The following ARID1B variants were observed in gnomAD, a reference collection of about 807,000 sequenced individuals.
ARID1B encodes the protein AT-rich interaction domain 1B, also known as AT-rich interactive domain-containing protein 1B.
In ARID1B, 30 loss-of-function variants were observed where a neutral mutation model predicts 212.3. The ratio of observed to expected loss-of-function variants is 0.14; its 90% confidence interval spans 0.11 to 0.19. The LOEUF is 0.19. Among genes scored for constraint, ARID1B ranks in the 10% least tolerant of loss-of-function variants. The pLI is 1.00. For missense variants in ARID1B, 2,891 were observed against 3,204.0 expected, an observed-to-expected ratio of 0.90 and a Z score of 2.36; for synonymous variants, 1,402 against 1,301.7, an observed-to-expected ratio of 1.08 and a Z score of -1.66.
intron 6 of ARID1B, among the ~76,000 whole-genome samples, chr6:157,123,556 C>T (rs948561898): frequency 2.0e-5 from 3 of 152,204 alleles, no homozygotes; most frequent in Admixed American, 6.5e-5. Flanking sequence ...GGGGCAGCCT[C>T]GGAAGGCGTG....
chr6:157,037,508 G>C (rs1479090230), intron 4 of ARID1B, among the ~76,000 whole-genome samples: 1 of 152,176 alleles, frequency 6.6e-6, no homozygotes, highest in East Asian at 1.9e-4. Flanking sequence ...ACTGAGGCAA[G>C]AAAGGAGGGC....
At chr6:157,122,922 T>C (rs1454645786) in intron 6 of ARID1B, among the ~76,000 whole-genome samples, 2 of 152,122 alleles carry the variant, frequency 1.3e-5, no homozygotes, top group Non-Finnish European at 2.9e-5. Context: ...CCTCAGGTGA[T>C]CCACCCGCCT....
chr6:157,067,739 C>T (rs1207990847), intron 4 of ARID1B, among the ~76,000 whole-genome samples: 1 of 152,186 alleles, frequency 6.6e-6, no homozygotes, highest in South Asian at 2.1e-4. Context: ...TGCACTCGTT[C>T]TGCGTACTGT....
chr6:157,029,839 C>T (rs189443387), intron 4 of ARID1B, among the ~76,000 whole-genome samples: 3 of 152,232 alleles, frequency 2.0e-5, no homozygotes, highest in East Asian at 3.9e-4. Context: ...GTAAGCAGCT[C>T]GGCTTAATTT....
intron 6 of ARID1B, among the ~76,000 whole-genome samples, chr6:157,132,101 T>C (rs946343563): frequency 1.3e-5 from 2 of 152,236 alleles, no homozygotes; most frequent in African/African-American, 4.8e-5. Context: ...AGACTGGGGT[T>C]AGCAAGGCTG....
intron 1 of ARID1B, among the ~76,000 whole-genome samples, chr6:156,812,434 AGGAC>A (rs749842156): frequency 0.015 from 2,308 of 152,286 alleles, 25 homozygotes; most frequent in Non-Finnish European, 0.025. Flanking sequence ...CTGAACTCAT[AGGAC>A]AGTGGCATTT....
intron 4 of ARID1B, among the ~76,000 whole-genome samples, chr6:157,025,927 A>ATTTT (rs950310929): frequency 6.2e-5 from 9 of 145,926 alleles, no homozygotes; most frequent in African/African-American, 2.3e-4. Flanking sequence ...GCTGGAATAG[A>ATTTT]TTTTTTTTTT....
rs1562612374 is a variant in ARID1B at position 157,094,327 on chromosome 6, G to A, written c.2491+9422G>A. Among the ~76,000 whole-genome samples the A allele has an allele frequency of 6.6e-6, 1 of 152,100 alleles. No homozygotes were observed. Among genetic ancestry groups the A allele is most frequent in the Admixed American group, 6.5e-5 (1 of 15,270 alleles). ...AGGTGAGAGAGGAGCTAACGACTTT[G>A]TAGGTTATGATTATGATTTAGGAGG... is the stretch of plus-strand genomic sequence containing the variant. On this transcript the variant is annotated intron_variant, in intron 5 of 19. Coordinates refer to ENST00000636930, the MANE Select transcript of ARID1B (RefSeq NM_001374828.1). The surrounding 1 kb of genome is among the most constrained non-coding windows in gnomAD (Gnocchi z 4.3).
chr6:157,087,713 G>C (rs972178795), intron 5 of ARID1B, among the ~76,000 whole-genome samples: 23 of 152,060 alleles, frequency 1.5e-4, no homozygotes, highest in African/African-American at 5.1e-4. Flanking sequence ...TAATGACTTG[G>C]TGTGTTTGCT....
At chr6:157,105,104 TTAAA>T (rs1017570486) in intron 5 of ARID1B, among the ~76,000 whole-genome samples, 1 of 152,178 alleles carries the variant, frequency 6.6e-6, no homozygotes, top group Admixed American at 6.5e-5. Flanking sequence ...GAATGGATTT[TTAAA>T]TAAATTGTGT....
At chr6:157,132,970 TG>T in intron 6 of ARID1B, 57 bp from the exon 7 acceptor site, 1 of 1,525,936 alleles carries the variant, frequency 6.6e-7, no homozygotes, top group East Asian at 2.3e-5. Flanking sequence ...TCCATTTTTA[TG>T]TATGCAGAGA....
At chr6:157,014,902 A>G (rs1321148569) in intron 4 of ARID1B, among the ~76,000 whole-genome samples, 1 of 151,908 alleles carries the variant, frequency 6.6e-6, no homozygotes. Context: ...AAAAAAGGAT[A>G]GCACAATAAT....
intron 4 of ARID1B, among the ~76,000 whole-genome samples, chr6:156,972,418 C>G (rs1308642805): frequency 6.6e-6 from 1 of 152,168 alleles, no homozygotes; most frequent in Admixed American, 6.5e-5. Flanking sequence ...TCCCCTGTGC[C>G]CACAGCTTTT....
At chr6:157,021,622 GC>G (rs1294369305) in intron 4 of ARID1B, among the ~76,000 whole-genome samples, 1 of 152,118 alleles carries the variant, frequency 6.6e-6, no homozygotes, top group Non-Finnish European at 1.5e-5. Flanking sequence ...ACGGCGCCGC[GC>G]CGCGCACAGA....
At chr6:157,115,631 G>A (rs1048951772) in intron 6 of ARID1B, among the ~76,000 whole-genome samples, 1 of 152,130 alleles carries the variant, frequency 6.6e-6, no homozygotes, top group African/African-American at 2.4e-5. Flanking sequence ...GTTTCACCAT[G>A]TTAGCCAGGA....
At chr6:157,132,205 G>A (rs1348707433) in intron 6 of ARID1B, among the ~76,000 whole-genome samples, 1 of 152,188 alleles carries the variant, frequency 6.6e-6, no homozygotes, top group African/African-American at 2.4e-5. Flanking sequence ...TACCATGCAC[G>A]ATCTATGTCG....
Position 156,779,235 on chromosome 6 carries a change from A to C in ARID1B, c.1555A>C (p.Ser519Arg). 1 of 1,228,902 alleles carries C rather than the reference A, an allele frequency of 8.1e-7. No individual in the cohort carries two copies. The highest frequency in any genetic ancestry group is 3.2e-5 in the Admixed American group (1 of 31,698). The allele number at this position is 1,228,902 out of a possible 1,614,324, so 76.1% of individuals were successfully genotyped here. A position where few individuals can be genotyped will look rare whatever the true frequency, so the allele number is the denominator to read the frequency against. The change falls in exon 1 of 20, where the codon AGC (serine) becomes CGC (arginine). Residue 519 changes from serine to arginine, a missense_variant. Physicochemically the swap from Ser to Arg is moderately radical, Grantham distance 110. This residue lies in a region of ARID1B where 1,643 missense variants were observed against 1,544.0 expected (regional missense o/e 1.06). Coordinates refer to ENST00000636930, the MANE Select transcript of ARID1B (RefSeq NM_001374828.1). ...PSPMMRSYGG[S>R]YPEYSSPSAP... Reference sequence around the variant, plus strand: ...CCCCATGATGCGGAGCTACGGCGGCAGCTACCCCGAGTACAGCAGCCCCAG... The same window carrying C: ...CCCCATGATGCGGAGCTACGGCGGCCGCTACCCCGAGTACAGCAGCCCCAG...
intron 5 of ARID1B, among the ~76,000 whole-genome samples, chr6:157,085,939 T>A (rs930995596): frequency 2.0e-5 from 3 of 152,230 alleles, no homozygotes; most frequent in Admixed American, 6.5e-5. Context: ...TAATCTTTTT[T>A]AAAATATTGT....
rs1278731537 is a variant in ARID1B at position 157,208,203 on chromosome 6, ATGTTGTAT to A, written c.*315_*322del. ...ACAGATCTTTTTAATGTTCTTTCCC[ATGTTGTAT>A]TGCATTTTTGGGGGAAGCAAATTGA... On this transcript the variant is annotated 3_prime_UTR_variant, in exon 20 of 20. Coordinates refer to ENST00000636930, the MANE Select transcript of ARID1B (RefSeq NM_001374828.1). 1 of 271,760 alleles carries A rather than the reference ATGTTGTAT, an allele frequency of 3.7e-6. No homozygotes were observed. The highest frequency in any genetic ancestry group is 6.9e-6 in the Non-Finnish European group (1 of 145,694). The allele number at this position is 271,760 out of a possible 1,614,324, so 16.8% of individuals were successfully genotyped here.
Sources: allele counts gnomAD v4.1 joint callset (sites outside exome capture counted in the v4.1 genomes callset), GRCh38; gene constraint gnomAD v4.1.1; regional missense constraint gnomAD v4.1.1; non-coding constraint Gnocchi (gnomAD v3.1); transcripts MANE v1.5; gene names NCBI Gene and HGNC (gene_info 2026-07-23, HGNC 2026-07-21).